The following CARD19 variants were observed in gnomAD, a reference collection of about 807,000 sequenced individuals.
The protein encoded by CARD19 is caspase recruitment domain family member 19.
CARD19 carries 25 observed loss-of-function variants against 24.1 expected under a neutral mutation model. The observed-to-expected ratio is 1.04, with a 90% CI of 0.76 to 1.45. The LOEUF is 1.45. Ranked by LOEUF, CARD19 falls within the 40% of genes most tolerant of loss-of-function variation. CARD19 has a pLI of 0.00. For missense variants in CARD19, 241 were observed against 247.4 expected (o/e 0.97, Z 0.17); for synonymous variants, 103 against 104.9 (o/e 0.98, Z 0.11).
chr9:93,113,041 C>T lies in CARD19; in HGVS notation c.486C>T (p.Val162=), dbSNP rs765678670. 28 of 1,608,602 alleles carry T rather than the reference C, an allele frequency of 1.7e-5. No homozygotes were observed. Among genetic ancestry groups the T allele is most frequent in the Non-Finnish European group, 2.1e-5 (25 of 1,177,366 alleles). ...GGCGCGTCCTCGGTTTCTCGCCTGT[C>T]ATCATCGACAGACATGTCAGCCGCT... ...GTRRVLGFSP[V]IIDRHVSRYL... is the part of the protein sequence containing the mutation. The change falls in exon 6 of 6, where the codon GTC becomes GTT. Residue 162 remains valine (V), a synonymous_variant. Transcript: ENST00000375464.
intron 1 of CARD19, among the ~76,000 whole-genome samples, chr9:93,097,255 G>A (rs772015919): frequency 5.3e-5 from 8 of 151,994 alleles, no homozygotes; most frequent in Non-Finnish European, 8.8e-5. Context: ...GTCCTCTCTC[G>A]GTGCTCGCTC....
intron 3 of CARD19, chr9:93,110,990 A>T: frequency 6.7e-7 from 1 of 1,502,648 alleles, no homozygotes; most frequent in Non-Finnish European, 8.9e-7. Flanking sequence ...TTCACACAGC[A>T]TGGGGCATCT....
chr9:93,112,161 C>G, intron 4 of CARD19, 57 bp from the exon 5 acceptor site: 7 of 1,515,024 alleles, frequency 4.6e-6, no homozygotes, highest in Non-Finnish European at 6.2e-6. Flanking sequence ...CCCCAGGCCT[C>G]AGGACCCCAC....
intron 2 of CARD19, among the ~76,000 whole-genome samples, chr9:93,108,167 G>C (rs1827334389): frequency 2.0e-5 from 3 of 152,306 alleles, no homozygotes; most frequent in African/African-American, 7.2e-5. Context: ...AGGCGAGAAA[G>C]AGGGCAGGAG....
At chr9:93,111,686 G>A (rs905113379) in intron 3 of CARD19, 193 bp from the exon 4 acceptor site, 72 of 1,413,424 alleles carry the variant, frequency 5.1e-5, no homozygotes, top group South Asian at 6.5e-5. Flanking sequence ...CTTTAGGCCC[G>A]TCCAGGAGTT....
chr9:93,112,201 C>T lies in CARD19; in HGVS notation c.365-17C>T, dbSNP rs1051806163. 2.1e-5 allele frequency: 33 copies of T among 1,543,890 alleles called. No homozygotes were observed. The highest frequency in any genetic ancestry group is 1.5e-4 in the East Asian group (6 of 40,924). ...CTGAGGCCCAGGGGAGCCCTGTTCA[C>T]GCTGGTTTCTCCCCAGGACCCATGA... On this transcript the variant is annotated splice_polypyrimidine_tract_variant and intron_variant, in intron 4 of 5. Transcript: ENST00000375464.
At chr9:93,104,953 C>T (rs1827199539) in intron 1 of CARD19, among the ~76,000 whole-genome samples, 1 of 152,130 alleles carries the variant, frequency 6.6e-6, no homozygotes, top group African/African-American at 2.4e-5. Context: ...TTTGTCTTCA[C>T]TCTAATCTTG....
At chr9:93,105,416 G>A (rs1490273272) in intron 1 of CARD19, among the ~76,000 whole-genome samples, 1 of 152,134 alleles carries the variant, frequency 6.6e-6, no homozygotes, top group Non-Finnish European at 1.5e-5. Context: ...AGGTAGCTGG[G>A]ATTACAAGCG....
chr9:93,112,702 C>T (rs1323267122), intron 5 of CARD19, among the ~76,000 whole-genome samples: 1 of 152,196 alleles, frequency 6.6e-6, no homozygotes, highest in Non-Finnish European at 1.5e-5. Flanking sequence ...CCTGGCCTGC[C>T]CCGTCTCCCT....
At chr9:93,102,543 C>T (rs1827123249) in intron 1 of CARD19, among the ~76,000 whole-genome samples, 1 of 151,936 alleles carries the variant, frequency 6.6e-6, no homozygotes, top group African/African-American at 2.4e-5. Flanking sequence ...TATTCTATGC[C>T]AGTGACCCAT....
At position 93,107,661 on chromosome 9, in the gene CARD19, C is replaced by A. The variant is rs2275849; in HGVS notation, c.8-13C>A. 1 of 1,613,956 alleles carries A rather than the reference C, an allele frequency of 6.2e-7. No homozygotes were observed. The highest frequency in any genetic ancestry group is 8.5e-7 in the Non-Finnish European group (1 of 1,179,952). ...GGCTGTGCTGGCTCATGACCCTGTG[C>A]TATCTGTTTTAGATCAGACCTATTG... is the stretch of plus-strand genomic sequence containing the variant. On this transcript the variant is annotated splice_polypyrimidine_tract_variant and intron_variant, in intron 1 of 5. Transcript: ENST00000375464.
At chr9:93,104,576 C>A (rs998943580) in intron 1 of CARD19, among the ~76,000 whole-genome samples, 5 of 152,164 alleles carry the variant, frequency 3.3e-5, no homozygotes, top group African/African-American at 1.2e-4. Flanking sequence ...AATTAACCAG[C>A]AAAGCTATCT....
In CARD19 at chr9:93,113,125, G is replaced by T. The variant is rs753541508; in HGVS notation, c.*18G>T. The T allele has an allele frequency of 4.0e-6, 6 of 1,496,926 alleles. No individual in the cohort carries two copies. In the African/African-American group the frequency reaches 8.4e-5, roughly 21 times the overall value. 92.7% of individuals were successfully genotyped at this position (1,496,926 alleles called of 1,614,324 possible). On this transcript the variant is annotated 3_prime_UTR_variant, in exon 6 of 6. Coordinates refer to ENST00000375464, the MANE Select transcript of CARD19 (RefSeq NM_032310.5). The stretch of plus-strand genomic sequence containing the variant: ...GGCTCTGACAGACCCTGGACCCAGG[G>T]CCTCACCTGCCACTCAACCAAAGAG...
intron 3 of CARD19, chr9:93,110,966 C>T: frequency 6.6e-7 from 1 of 1,520,744 alleles, no homozygotes; most frequent in Non-Finnish European, 8.8e-7. Context: ...CTCCGTCTCT[C>T]TCTCATGGCA....
rs1413987899 is a variant in CARD19 at position 93,110,702 on chromosome 9, G to A, written c.285G>A (p.Leu95=). The change falls in exon 3 of 6, where the codon CTG becomes CTA. Residue 95 remains leucine, a synonymous_variant. Transcript: ENST00000375464. Reference sequence around the variant, plus strand: ...ATGCCCAGCCCCTGCACAGCCGCCTGCCCAGCCGCCACGCTCTGCGTAAGT... The same window carrying A: ...ATGCCCAGCCCCTGCACAGCCGCCTACCCAGCCGCCACGCTCTGCGTAAGT... The part of the protein sequence containing the change: ...YIHAQPLHSR[L]PSRHALQNSD... 2 of 1,611,088 alleles carry A rather than the reference G, an allele frequency of 1.2e-6. No homozygotes were observed. Among genetic ancestry groups the A allele is most frequent in the Non-Finnish European group, 1.7e-6 (2 of 1,179,752 alleles).
At chr9:93,103,604 T>G (rs564594156) in intron 1 of CARD19, among the ~76,000 whole-genome samples, 6 of 152,352 alleles carry the variant, frequency 3.9e-5, no homozygotes, top group Non-Finnish European at 8.8e-5. Flanking sequence ...TTTATCATGT[T>G]GATGAAATTT....
Position 93,113,044 on chromosome 9 carries a change from C to A in CARD19, c.489C>A (p.Ile163=), listed in dbSNP as rs1471917855. ...TRRVLGFSPV[I]IDRHVSRYLL... ...GCGTCCTCGGTTTCTCGCCTGTCATCATCGACAGACATGTCAGCCGCTACC... is the reference window on the plus strand; with the variant it reads ...GCGTCCTCGGTTTCTCGCCTGTCATAATCGACAGACATGTCAGCCGCTACC... Residue 163 remains isoleucine (I), a synonymous_variant, in exon 6 of 6, where the codon ATC becomes ATA. Transcript: ENST00000375464. The A allele has an allele frequency of 2.5e-6, 4 of 1,607,754 alleles. No homozygotes were observed. In the Admixed American group the frequency reaches 6.7e-5, roughly 27 times the overall value.
intron 4 of CARD19, 70 bp downstream of exon 4, chr9:93,112,008 C>T: frequency 6.5e-7 from 1 of 1,542,134 alleles, no homozygotes; most frequent in Non-Finnish European, 8.8e-7. Flanking sequence ...CCCCAGGGCT[C>T]CATCTCCGCC....
At position 93,110,595 on chromosome 9, in the gene CARD19, G is replaced by T; in HGVS notation, c.178G>T (p.Val60Leu). Residue 60 changes from valine to leucine, a missense_variant, in exon 3 of 6, where the codon GTG becomes TTG. By Grantham distance (32) the Val-to-Leu change is conservative. Coordinates refer to ENST00000375464, the MANE Select transcript of CARD19 (RefSeq NM_032310.5). Reference protein sequence around the residue: ...KFRNPKASLRVRLCDLLSHLQ... With the variant: ...KFRNPKASLRLRLCDLLSHLQ... The stretch of plus-strand genomic sequence containing the variant: ...CCGGAACCCCAAGGCATCCTTGCGT[G>T]TGCGGCTCTGTGACCTCCTGAGCCA... 6.2e-7 allele frequency: 1 copy of T among 1,611,968 alleles called. No homozygotes were observed. Among genetic ancestry groups the T allele is most frequent in the Non-Finnish European group, 8.5e-7 (1 of 1,178,660 alleles).
Sources: gnomAD v4.1 joint callset for allele counts (sites outside exome capture counted in the v4.1 genomes callset) on GRCh38, gnomAD v4.1.1 for gene constraint, MANE v1.5 for transcripts, NCBI Gene and HGNC (gene_info 2026-07-23, HGNC 2026-07-21) for gene names.